NFATC2: variants seen among roughly 807,000 people sequenced by gnomAD.
The protein encoded by NFATC2 is nuclear factor of activated T-cells, cytoplasmic 2.
NFATC2 carries 22 observed loss-of-function variants against 87.3 expected under a neutral mutation model. The observed-to-expected ratio is 0.25, with a 90% confidence interval of 0.18 to 0.36. NFATC2 has a LOEUF of 0.36. Ranked by LOEUF, NFATC2 falls within the 10% of genes least tolerant of loss-of-function variation. The pLI, the probability that NFATC2 is intolerant of heterozygous loss-of-function variation, is 1.00. For synonymous variants in NFATC2, 565 were observed against 542.2 expected (o/e 1.04, Z -0.58); for missense variants, 1,149 against 1,259.1 (o/e 0.91, Z 1.32).
intron 9 of NFATC2, among the ~76,000 whole-genome samples, chr20:51,412,844 C>A (rs1568942397): frequency 6.6e-6 from 1 of 152,050 alleles, no homozygotes; most frequent in Non-Finnish European, 1.5e-5. Flanking sequence ...GGTCTCCCTG[C>A]AAAAGGAGTA....
chr20:51,417,549 T>G (rs1568947338), intron 9 of NFATC2, among the ~76,000 whole-genome samples: 1 of 152,028 alleles, frequency 6.6e-6, no homozygotes, highest in East Asian at 1.9e-4. Flanking sequence ...CTCAAAGAGG[T>G]TGGTCCTGAC....
chr20:51,447,072 A>G (rs1039929835), intron 6 of NFATC2, among the ~76,000 whole-genome samples: 7 of 117,236 alleles, frequency 6.0e-5, no homozygotes, highest in Non-Finnish European at 1.0e-4. Context: ...ATTCACGGAA[A>G]AATACTTAAT....
intron 9 of NFATC2, among the ~76,000 whole-genome samples, chr20:51,430,617 A>G (rs949865592): frequency 2.6e-5 from 4 of 152,202 alleles, no homozygotes; most frequent in Non-Finnish European, 5.9e-5. Context: ...TGGTGAATTC[A>G]GGGGACGTTT....
At chr20:51,543,375 A>T (rs1446060223), upstream of NFATC2, among the ~76,000 whole-genome samples, 1 of 152,228 alleles carries the variant, frequency 6.6e-6, no homozygotes, top group East Asian at 1.9e-4. Flanking sequence ...GCATCTGCTT[A>T]TGGGGCCAGG....
At chr20:51,537,794 C>T (rs908206211) in intron 1 of NFATC2, among the ~76,000 whole-genome samples, 4 of 152,340 alleles carry the variant, frequency 2.6e-5, no homozygotes, top group Middle Eastern at 3.4e-3. Context: ...CCTTGCCCAC[C>T]GGGTCTTTCT....
chr20:51,397,419 A>G (rs1385248582), intron 10 of NFATC2, among the ~76,000 whole-genome samples: 1 of 152,172 alleles, frequency 6.6e-6, no homozygotes, highest in Non-Finnish European at 1.5e-5. Context: ...GAACAGCAGT[A>G]AATCCCCTCC....
intron 10 of NFATC2, among the ~76,000 whole-genome samples, chr20:51,393,735 G>A (rs930962857): frequency 1.5e-4 from 23 of 152,268 alleles, no homozygotes; most frequent in Admixed American, 2.0e-4. Flanking sequence ...TTCAAAGCCC[G>A]GATTCCAAAG....
chr20:51,414,115 C>T (rs1372371098), intron 9 of NFATC2, among the ~76,000 whole-genome samples: 1 of 152,152 alleles, frequency 6.6e-6, no homozygotes, highest in Non-Finnish European at 1.5e-5. Flanking sequence ...ATGCAGGAAG[C>T]TGAGCCAGGT....
chr20:51,393,427 T>G (rs1285989525), intron 10 of NFATC2, among the ~76,000 whole-genome samples: 5 of 140,920 alleles, frequency 3.5e-5, no homozygotes, highest in South Asian at 2.2e-4. Context: ...TAGATATGTA[T>G]TAGAAATACA....
intron 6 of NFATC2, 148 bp from the exon 7 acceptor site, chr20:51,435,909 A>G: frequency 1.5e-6 from 1 of 651,184 alleles, no homozygotes; most frequent in Non-Finnish European, 2.7e-6. Context: ...GTGTGTACAT[A>G]TGTATTTATA....
chr20:51,432,293 C>T lies in NFATC2; in HGVS notation c.2496G>A (p.Met832Ile), dbSNP rs139027658. 1,386 of 1,614,212 alleles carry T rather than the reference C, an allele frequency of 8.6e-4. No homozygotes were observed. Among genetic ancestry groups the T allele is most frequent in the Admixed American group, 1.7e-3 (101 of 60,034 alleles). The change falls in exon 9 of 11, where the codon ATG becomes ATA. Residue 832 changes from methionine to isoleucine, a missense_variant. This residue lies in a region of NFATC2 where 581 missense variants were observed against 649.7 expected (regional missense o/e 0.89). Transcript: ENST00000371564. This position sits in a 1 kb window ranked among gnomAD's most constrained non-coding sequence, Gnocchi z 4.6. Reference sequence around the variant, plus strand: ...TGCCTGGTGCGAAATTCTCGCAGTACATGATGTGCTGGAACTCCTGGTGGC... The same window carrying T: ...TGCCTGGTGCGAAATTCTCGCAGTATATGATGTGCTGGAACTCCTGGTGGC... ...CGSHQEFQHI[M>I]YCENFAPGTT...
intron 10 of NFATC2, among the ~76,000 whole-genome samples, chr20:51,394,264 G>T (rs578235806): frequency 1.1e-4 from 16 of 152,154 alleles, no homozygotes; most frequent in African/African-American, 3.9e-4. Flanking sequence ...TGAGAGGGGG[G>T]TCTCTGCTCA....
rs529055590 is a variant in NFATC2 at position 51,427,186 on chromosome 20, A to T, written c.2722+4881T>A. Among the ~76,000 whole-genome samples, 592 of 151,926 alleles carry T rather than the reference A, an allele frequency of 3.9e-3. 5 individuals carry two copies. The highest frequency in any genetic ancestry group is 6.4e-3 in the Non-Finnish European group (433 of 67,944). ...GCTGTAGTAAGCTCTCTACTTCAAA[A>T]CCTGTGGTGGGTTTGGTGGTGAGAT... On this transcript the variant is annotated intron_variant, in intron 9 of 10. Coordinates refer to ENST00000371564, the MANE Select transcript of NFATC2 (RefSeq NM_012340.5).
Position 51,411,685 on chromosome 20 carries a change from G to A in NFATC2, c.2723-12955C>T, listed in dbSNP as rs560149455. Among the ~76,000 whole-genome samples, 406 of 151,944 alleles carry A rather than the reference G, an allele frequency of 2.7e-3. 3 individuals are homozygous for A. The highest frequency in any genetic ancestry group is 9.3e-3 in the African/African-American group (384 of 41,436). ...TGGGATTACAGGCGTGTGCCACCAC[G>A]CACAGCTAGTTTTTGTATTTTTAGT... On this transcript the variant is annotated intron_variant, in intron 9 of 10. Coordinates refer to ENST00000371564, the MANE Select transcript of NFATC2 (RefSeq NM_012340.5).
intron 10 of NFATC2, among the ~76,000 whole-genome samples, chr20:51,395,686 T>TAAG (rs145586973): frequency 6.6e-6 from 1 of 151,378 alleles, no homozygotes; most frequent in Admixed American, 6.6e-5. Context: ...TGAACCGATC[T>TAAG]TATGTAAAAA....
intron 6 of NFATC2, among the ~76,000 whole-genome samples, chr20:51,440,236 C>CAAAAAAAAAAAAA (rs34071345): frequency 6.3e-4 from 61 of 97,192 alleles, no homozygotes; most frequent in African/African-American, 1.9e-3. Flanking sequence ...AACTCCATCT[C>CAAAAAAAAAAAAA]AAAAAAAAAA....
rs780486972 is a variant in NFATC2, at chr20:51,524,005, G to A, written c.236C>T (p.Ser79Phe). Residue 79 changes from serine (S) to phenylalanine (F), a missense_variant, in exon 2 of 11, where the codon TCT becomes TTT. Transcript: ENST00000371564. The surrounding 1 kb of genome is among the most constrained non-coding windows in gnomAD (Gnocchi z 4.0). ...LKPYSPLASL[S>F]GEPPGRFGEP... Reference sequence around the variant, plus strand: ...TCCGAATCGGCCGGGGGGCTCGCCAGAGAGACTAGCAAGGGGGCTGTATGG... The same window carrying A: ...TCCGAATCGGCCGGGGGGCTCGCCAAAGAGACTAGCAAGGGGGCTGTATGG... The A allele has an allele frequency of 1.4e-5, 22 of 1,566,432 alleles. No homozygotes were observed. The Admixed American group carries it at 4.5e-4, about 32-fold the overall frequency.
At chr20:51,487,630 C>T (rs1253173828) in intron 3 of NFATC2, among the ~76,000 whole-genome samples, 2 of 152,138 alleles carry the variant, frequency 1.3e-5, no homozygotes, top group African/African-American at 4.8e-5. Flanking sequence ...AAAAGAACCC[C>T]AAGATGGTGA....
In NFATC2 at chr20:51,432,735, G is replaced by A. The variant is rs1222186928; in HGVS notation, c.2054C>T (p.Pro685Leu). ...CAGAGTGGGGTCATATTCATCCGTG[G>A]GCTCCGTCTTGATGGCTGGGACTGG... is the stretch of plus-strand genomic sequence containing the variant. ...YHPVPAIKTE[P>L]TDEYDPTLIC... Residue 685 changes from proline to leucine, a missense_variant, in exon 9 of 11, where the codon CCC (proline) becomes CTC (leucine). Pro to Leu is a moderately conservative substitution (Grantham distance 98, BLOSUM62 -3). This residue lies in a region of NFATC2 where 581 missense variants were observed against 649.7 expected (regional missense o/e 0.89). Transcript: ENST00000371564. This position sits in a 1 kb window ranked among gnomAD's most constrained non-coding sequence, Gnocchi z 4.6. 3 of 1,583,228 alleles carry A rather than the reference G, an allele frequency of 1.9e-6. No individual in the cohort carries two copies. The highest frequency in any genetic ancestry group is 2.6e-6 in the Non-Finnish European group (3 of 1,172,766).
Sources: allele counts gnomAD v4.1 joint callset (sites outside exome capture counted in the v4.1 genomes callset), GRCh38; gene constraint gnomAD v4.1.1; regional missense constraint gnomAD v4.1.1; non-coding constraint Gnocchi (gnomAD v3.1); transcripts MANE v1.5; gene names NCBI Gene and HGNC (gene_info 2026-07-23, HGNC 2026-07-21).